The following GCNT2 variants were observed in gnomAD, a reference collection of about 807,000 sequenced individuals.
The protein encoded by GCNT2 is N-acetyllactosaminide beta-1,6-N-acetylglucosaminyl-transferase.
GCNT2 carries 34 observed loss-of-function variants against 34.2 expected under a neutral mutation model. That is an observed-to-expected ratio of 1.00 (90% confidence interval 0.76 to 1.32). GCNT2 has a LOEUF of 1.32. GCNT2 is among the 40% of genes most tolerant of loss of function. The pLI, the probability that GCNT2 is intolerant of heterozygous loss-of-function variation, is 0.00. For synonymous variants in GCNT2, 212 were observed against 188.0 expected, an observed-to-expected ratio of 1.13 and a Z score of -1.04; for missense variants, 584 against 489.4, an observed-to-expected ratio of 1.19 and a Z score of -1.82.
At position 10,529,484 on chromosome 6, in the gene GCNT2, C is replaced by T. The variant is rs758740184; in HGVS notation, c.573C>T (p.Cys191=). ...CCTGGAAGTATGTCATCAACACCTG[C>T]GGGCAAGACTTTCCCCTGAAAACCA... ...EVPWKYVINT[C]GQDFPLKTNR... Residue 191 remains cysteine, a synonymous_variant, in exon 3 of 5, where the codon TGC becomes TGT. Transcript: ENST00000495262. The T allele has an allele frequency of 1.2e-5, 20 of 1,613,886 alleles. No homozygotes were observed. The highest frequency in any genetic ancestry group is 3.3e-4 in the Middle Eastern group (2 of 6,084).
intron 3 of GCNT2, among the ~76,000 whole-genome samples, chr6:10,549,682 C>T (rs1762409321): frequency 6.6e-6 from 1 of 151,076 alleles, no homozygotes. Flanking sequence ...AGCAATTCTC[C>T]TGCCTCAGTC....
At chr6:10,562,003 G>A (rs1424024450) in intron 3 of GCNT2, among the ~76,000 whole-genome samples, 1 of 152,120 alleles carries the variant, frequency 6.6e-6, no homozygotes, top group Non-Finnish European at 1.5e-5. Flanking sequence ...TCTTTCGGTT[G>A]CAAGTGTCAG....
chr6:10,592,536 T>G (rs1024337889), intron 3 of GCNT2, among the ~76,000 whole-genome samples: 1 of 152,126 alleles, frequency 6.6e-6, no homozygotes, highest in Admixed American at 6.5e-5. Flanking sequence ...TATAAAGTAT[T>G]TACACAGTAA....
intron 3 of GCNT2, among the ~76,000 whole-genome samples, chr6:10,589,895 A>C (rs1328811126): frequency 6.6e-6 from 1 of 152,210 alleles, no homozygotes; most frequent in Non-Finnish European, 1.5e-5. Flanking sequence ...CTTTTATTTA[A>C]ATACATCATA....
At chr6:10,569,273 A>ACACC (rs1561806920) in intron 3 of GCNT2, among the ~76,000 whole-genome samples, 5 of 139,604 alleles carry the variant, frequency 3.6e-5, no homozygotes, top group African/African-American at 1.4e-4. Flanking sequence ...ACACACACAC[A>ACACC]CCCCCTAGGT....
intron 3 of GCNT2, among the ~76,000 whole-genome samples, chr6:10,605,169 G>A (rs73434957): frequency 0.012 from 1,861 of 149,294 alleles, 45 homozygotes; most frequent in African/African-American, 0.044. Flanking sequence ...CAAAAAACAG[G>A]TGTTCTCAAC....
intron 3 of GCNT2, among the ~76,000 whole-genome samples, chr6:10,546,499 A>G (rs571325071): frequency 1.9e-4 from 29 of 152,038 alleles, no homozygotes; most frequent in Non-Finnish European, 4.1e-4. Context: ...TCTACTAAAA[A>G]TACAAAAAAA....
At chr6:10,616,136 C>T (rs1765749132) in intron 3 of GCNT2, among the ~76,000 whole-genome samples, 1 of 150,078 alleles carries the variant, frequency 6.7e-6, no homozygotes. Flanking sequence ...CTGGTGGGTT[C>T]GTGGTCTCGC....
At chr6:10,611,067 CTT>C (rs1765527939) in intron 3 of GCNT2, among the ~76,000 whole-genome samples, 1 of 152,204 alleles carries the variant, frequency 6.6e-6, no homozygotes, top group African/African-American at 2.4e-5. Flanking sequence ...AACAGGGTCT[CTT>C]TTAGTAAGTT....
In GCNT2 at chr6:10,627,100, C is replaced by T. The variant is rs564289246; in HGVS notation, c.*493C>T. The T allele has an allele frequency of 6.1e-6, 1 of 164,376 alleles. No individual in the cohort carries two copies. Among genetic ancestry groups the T allele is most frequent in the Admixed American group, 5.7e-5 (1 of 17,624 alleles). The allele number at this position is 164,376 out of a possible 1,614,324, so 10.2% of individuals were successfully genotyped here. On this transcript the variant is annotated 3_prime_UTR_variant, in exon 5 of 5. Transcript: ENST00000495262. ...TCACCAATTTCCTTTAAAACATAAG[C>T]TACCTGAATGGAGAATACATCTTGT...
At chr6:10,533,706 T>A (rs1299932179) in intron 3 of GCNT2, among the ~76,000 whole-genome samples, 1 of 148,058 alleles carries the variant, frequency 6.8e-6, no homozygotes. Flanking sequence ...GGAGAATCGC[T>A]TCAGCGATTT....
chr6:10,619,045 T>C (rs1765917012), intron 3 of GCNT2, among the ~76,000 whole-genome samples: 1 of 152,180 alleles, frequency 6.6e-6, no homozygotes, highest in South Asian at 2.1e-4. Context: ...ACAGACCTTT[T>C]TTCTTCTGAT....
chr6:10,623,618 C>T (rs964367118), intron 4 of GCNT2, among the ~76,000 whole-genome samples: 1 of 152,140 alleles, frequency 6.6e-6, no homozygotes, highest in Non-Finnish European at 1.5e-5. Flanking sequence ...CCTCTTAGCA[C>T]TTAGAATGAT....
intron 3 of GCNT2, among the ~76,000 whole-genome samples, chr6:10,580,684 T>C (rs566404799): frequency 6.6e-6 from 1 of 151,458 alleles, no homozygotes; most frequent in Non-Finnish European, 1.5e-5. Flanking sequence ...GATTTGAGAG[T>C]AGGTCCGACT....
rs71548847 is a variant in GCNT2 at position 10,539,180 on chromosome 6, CTTTTTTT to C, written c.925+9364_925+9370del. ...AGCCTATCTCTACAGCTCACCGTCT[CTTTTTTT>C]TTTTTTTTTTTTTTTTTTTGAGGCA... On this transcript the variant is annotated intron_variant, in intron 3 of 4. Coordinates refer to ENST00000495262, the MANE Select transcript of GCNT2 (RefSeq NM_145649.5). 5.2e-4 allele frequency among the ~76,000 whole-genome samples: 34 copies of C among 65,328 alleles called. 2 individuals carry two copies. In the South Asian group the frequency reaches 0.014, roughly 27 times the overall value. 42.9% of individuals were successfully genotyped at this position (65,328 alleles called of 152,430 possible).
Position 10,529,848 on chromosome 6 carries a change from T to G in GCNT2, c.925+12T>G, listed in dbSNP as rs372108921. Reference sequence around the variant, plus strand: ...CAACAGGATTCCCGGTATGTACGTCTCTTAACTTTTATTTTTACGAATAAA... The same window carrying G: ...CAACAGGATTCCCGGTATGTACGTCGCTTAACTTTTATTTTTACGAATAAA... On this transcript the variant is annotated intron_variant, in intron 3 of 4. Transcript: ENST00000495262. 1.7e-4 allele frequency: 271 copies of G among 1,600,622 alleles called. 1 individual carries two copies. The highest frequency in any genetic ancestry group is 2.2e-4 in the Non-Finnish European group (253 of 1,168,530).
At chr6:10,590,812 A>G (rs1764608567) in intron 3 of GCNT2, among the ~76,000 whole-genome samples, 1 of 152,132 alleles carries the variant, frequency 6.6e-6, no homozygotes, top group Admixed American at 6.5e-5. Context: ...TCGGCCTCCC[A>G]AAGTGCTGGG....
At chr6:10,563,919 A>G (rs1006448808) in intron 3 of GCNT2, among the ~76,000 whole-genome samples, 3 of 151,748 alleles carry the variant, frequency 2.0e-5, no homozygotes, top group Admixed American at 2.0e-4. Flanking sequence ...AATTGAACCC[A>G]GTTTAATGAA....
chr6:10,626,598 G>C lies in GCNT2; in HGVS notation c.1200G>C (p.Trp400Cys). ...NQSETAIQPS[W>C]YF ...GTGAAACTGCGATACAACCCAGCTG[G>C]TATTTTTGAGCTATTCATGAGCTAC... is the stretch of plus-strand genomic sequence containing the variant. Residue 400 changes from tryptophan (W) to cysteine (C), a missense_variant, in exon 5 of 5, where the codon TGG becomes TGC. Coordinates refer to ENST00000495262, the MANE Select transcript of GCNT2 (RefSeq NM_145649.5). 6.2e-7 allele frequency: 1 copy of C among 1,612,966 alleles called. No homozygotes were observed. Among genetic ancestry groups the C allele is most frequent in the Non-Finnish European group, 8.5e-7 (1 of 1,179,012 alleles).
Sources: gnomAD v4.1 joint callset for allele counts (sites outside exome capture counted in the v4.1 genomes callset) on GRCh38, gnomAD v4.1.1 for gene constraint, MANE v1.5 for transcripts, NCBI Gene and HGNC (gene_info 2026-07-23, HGNC 2026-07-21) for gene names.